FAM107A: variants seen among roughly 807,000 people sequenced by gnomAD.
FAM107A encodes the protein family with sequence similarity 107 member A.
FAM107A carries 19 observed loss-of-function variants against 13.7 expected under a neutral mutation model. The ratio of observed to expected loss-of-function variants is 1.38; its 90% confidence interval spans 0.97 to 2.03. The LOEUF is 2.03. Among genes scored for constraint, FAM107A ranks in the 30% most tolerant of loss-of-function variants. The pLI is 0.00. For synonymous variants in FAM107A, 82 were observed against 74.5 expected, an observed-to-expected ratio of 1.10 and a Z score of -0.52; for missense variants, 203 against 184.4, an observed-to-expected ratio of 1.10 and a Z score of -0.58.
chr3:58,588,014 A>T (rs936122112), upstream of FAM107A, among the ~76,000 whole-genome samples: 2 of 152,188 alleles, frequency 1.3e-5, no homozygotes, highest in African/African-American at 4.8e-5. Context: ...GTCCGACTAC[A>T]GACCTTGGCC....
At chr3:58,581,277 A>G (rs1202310579), upstream of FAM107A, among the ~76,000 whole-genome samples, 1 of 152,220 alleles carries the variant, frequency 6.6e-6, no homozygotes, top group African/African-American at 2.4e-5. Flanking sequence ...AGAGGAACCC[A>G]AAGGAAGGGG....
In FAM107A at chr3:58,617,604, A is replaced by G. The variant is rs775229614; in HGVS notation, c.-70+9812T>C. On this transcript the variant is annotated intron_variant, in intron 1 of 3. Transcript: ENST00000465970. This position sits in a 1 kb window ranked among gnomAD's most constrained non-coding sequence, Gnocchi z 4.5. ...AGTTTGGGAGACACAGTGTTCTGAA[A>G]GCCGATCCCTGGGGCCCAGGGAGGG... Among the ~76,000 whole-genome samples, 1 of 152,138 alleles carries G rather than the reference A, an allele frequency of 6.6e-6. No individual in the cohort carries two copies. The highest frequency in any genetic ancestry group is 1.5e-5 in the Non-Finnish European group (1 of 68,026).
upstream of FAM107A, among the ~76,000 whole-genome samples, chr3:58,589,758 C>T (rs1488879113): frequency 1.3e-5 from 2 of 152,318 alleles, no homozygotes; most frequent in East Asian, 3.9e-4. Flanking sequence ...AGGATCCCTC[C>T]AGACTACTAC....
At chr3:58,609,685 C>T (rs2065834796) in intron 1 of FAM107A, among the ~76,000 whole-genome samples, 1 of 152,208 alleles carries the variant, frequency 6.6e-6, no homozygotes, top group African/African-American at 2.4e-5. Flanking sequence ...AATGACTTCG[C>T]TGAGTCCTCA....
chr3:58,578,943 T>C (rs1339722650), upstream of FAM107A, among the ~76,000 whole-genome samples: 10 of 152,350 alleles, frequency 6.6e-5, no homozygotes, highest in African/African-American at 2.4e-4. Context: ...CCTACTGTGT[T>C]CCTGGCACTG....
chr3:58,570,749 G>A (rs371611380), intron 1 of FAM107A, among the ~76,000 whole-genome samples: 1 of 152,222 alleles, frequency 6.6e-6, no homozygotes, highest in African/African-American at 2.4e-5. Flanking sequence ...CTCTTCATGA[G>A]TCTAGCTTTG....
chr3:58,570,326 C>T, intron 1 of FAM107A: 1 of 940,846 alleles, frequency 1.1e-6, no homozygotes, highest in Non-Finnish European at 1.3e-6. Flanking sequence ...AAAGTATTAC[C>T]CTTATTGTCT....
Position 58,565,818 on chromosome 3 carries a change from G to A in FAM107A, c.*770C>T, listed in dbSNP as rs1559472058. ...ACCTGGGAGCTTGTTAGAAATGCAGGATCTCCCAGATCTATTGAGTTAGAA... is the reference window on the plus strand; with the variant it reads ...ACCTGGGAGCTTGTTAGAAATGCAGAATCTCCCAGATCTATTGAGTTAGAA... On this transcript the variant is annotated 3_prime_UTR_variant, in exon 4 of 4. Transcript: ENST00000360997. 1 of 152,180 alleles carries A rather than the reference G, an allele frequency of 6.6e-6. No individual in the cohort carries two copies. The highest frequency in any genetic ancestry group is 1.5e-5 in the Non-Finnish European group (1 of 68,054). The allele number at this position is 152,180 out of a possible 1,614,324, so 9.4% of individuals were successfully genotyped here.
intron 1 of FAM107A, among the ~76,000 whole-genome samples, chr3:58,606,660 T>C (rs540611602): frequency 2.0e-5 from 3 of 152,234 alleles, no homozygotes; most frequent in Non-Finnish European, 4.4e-5. Context: ...GACCTGAAAC[T>C]CTTGGCTCAC....
intron 1 of FAM107A, among the ~76,000 whole-genome samples, chr3:58,592,272 G>T (rs2065660217): frequency 6.6e-6 from 1 of 152,170 alleles, no homozygotes; most frequent in Non-Finnish European, 1.5e-5. Flanking sequence ...CACAGACCTG[G>T]GAAGTTGGGC....
At chr3:58,576,386 G>T (rs866502859) in intron 1 of FAM107A, among the ~76,000 whole-genome samples, 1 of 152,250 alleles carries the variant, frequency 6.6e-6, no homozygotes, top group African/African-American at 2.4e-5. Context: ...GGACAGCATT[G>T]TGCAGTTGAT....
At chr3:58,615,174 A>G (rs2065890458) in intron 1 of FAM107A, among the ~76,000 whole-genome samples, 2 of 152,202 alleles carry the variant, frequency 1.3e-5, no homozygotes, top group South Asian at 4.1e-4. Flanking sequence ...ATCATTCTCT[A>G]TTACGTTTTT....
At chr3:58,609,358 T>C (rs1394222907) in intron 1 of FAM107A, 2 of 152,314 alleles carry the variant, frequency 1.3e-5, no homozygotes, top group African/African-American at 4.8e-5. Flanking sequence ...GTAGACAATG[T>C]AGAAAGTGGA....
upstream of FAM107A, among the ~76,000 whole-genome samples, chr3:58,589,637 G>T (rs73091462): frequency 1.3e-5 from 2 of 152,140 alleles, no homozygotes; most frequent in Admixed American, 6.5e-5. Flanking sequence ...CATGTGAGTT[G>T]TATGGTGCAT....
chr3:58,585,833 C>A (rs2065599899), intron 1 of FAM107A, among the ~76,000 whole-genome samples: 1 of 152,226 alleles, frequency 6.6e-6, no homozygotes, highest in South Asian at 2.1e-4. Context: ...CCCTACATCC[C>A]TGTATTCTCC....
chr3:58,599,695 C>CTTTTTTTTT (rs1559483413), intron 1 of FAM107A, among the ~76,000 whole-genome samples: 3 of 45,744 alleles, frequency 6.6e-5, no homozygotes, highest in South Asian at 5.1e-4. Flanking sequence ...ACAAGTGCAC[C>CTTTTTTTTT]ATTTTTTTTT....
upstream of FAM107A, among the ~76,000 whole-genome samples, chr3:58,590,227 G>C (rs528890105): frequency 6.6e-6 from 1 of 152,134 alleles, no homozygotes; most frequent in Non-Finnish European, 1.5e-5. Flanking sequence ...TCCAACATGT[G>C]CCTCCCCTGT....
At chr3:58,592,836 A>G (rs1353678215) in intron 1 of FAM107A, among the ~76,000 whole-genome samples, 3 of 152,308 alleles carry the variant, frequency 2.0e-5, no homozygotes, top group East Asian at 3.9e-4. Flanking sequence ...GAACTTTTAT[A>G]TGGACGCACT....
intron 1 of FAM107A, among the ~76,000 whole-genome samples, chr3:58,608,688 C>T (rs2065823096): frequency 6.6e-6 from 1 of 152,150 alleles, no homozygotes; most frequent in Non-Finnish European, 1.5e-5. Flanking sequence ...CTTCCCCAGA[C>T]CCCCTTGGAG....
Sources: gnomAD v4.1 joint callset for allele counts (sites outside exome capture counted in the v4.1 genomes callset) on GRCh38, gnomAD v4.1.1 for gene constraint, Gnocchi (gnomAD v3.1) non-coding constraint, MANE v1.5 for transcripts, NCBI Gene and HGNC (gene_info 2026-07-23, HGNC 2026-07-21) for gene names.